The following PCDH9 variants were observed in gnomAD, a reference collection of about 807,000 sequenced individuals.
PCDH9 encodes protocadherin-9.
Under a neutral mutation model 70.6 loss-of-function variants are expected in PCDH9, and 24 were observed. The observed-to-expected ratio is 0.34, with a 90% CI of 0.25 to 0.48. PCDH9 has a LOEUF of 0.48. Among genes scored for constraint, PCDH9 ranks in the 20% least tolerant of loss-of-function variants. PCDH9 has a pLI of 0.99. For synonymous variants in PCDH9, 562 were observed against 558.5 expected (o/e 1.01, Z -0.09); for missense variants, 1,281 against 1,503.6 (o/e 0.85, Z 2.45).
chr13:66,437,903 G>T (rs1457164103), intron 4 of PCDH9, among the ~76,000 whole-genome samples: 3 of 152,140 alleles, frequency 2.0e-5, no homozygotes, highest in Admixed American at 1.3e-4. Flanking sequence ...GTTGTTTCGT[G>T]ATCTGGGTGC....
At chr13:66,934,070 C>T (rs987422046) in intron 2 of PCDH9, among the ~76,000 whole-genome samples, 1 of 152,218 alleles carries the variant, frequency 6.6e-6, no homozygotes, top group Non-Finnish European at 1.5e-5. Context: ...CTACAGCCTG[C>T]CTGCCTACTG....
At chr13:66,367,098 T>A (rs1956565846) in intron 4 of PCDH9, among the ~76,000 whole-genome samples, 1 of 152,164 alleles carries the variant, frequency 6.6e-6, no homozygotes, top group Admixed American at 6.6e-5. Flanking sequence ...TTAATTTATT[T>A]GTACATTTAC....
chr13:67,192,611 T>C (rs1407884532), intron 2 of PCDH9, among the ~76,000 whole-genome samples: 7 of 152,134 alleles, frequency 4.6e-5, no homozygotes, highest in African/African-American at 1.7e-4. Context: ...ATTAGAAATG[T>C]ATTAGAAAGG....
intron 3 of PCDH9, among the ~76,000 whole-genome samples, chr13:66,753,966 A>G (rs2079500588): frequency 6.6e-6 from 1 of 152,228 alleles, no homozygotes; most frequent in Non-Finnish European, 1.5e-5. Flanking sequence ...TTGATTATTA[A>G]TGAAATTAAC....
intron 3 of PCDH9, among the ~76,000 whole-genome samples, chr13:66,803,575 ACTCCC>A (rs2080361075): frequency 6.6e-6 from 1 of 150,942 alleles, no homozygotes; most frequent in Non-Finnish European, 1.5e-5. Context: ...TCACTGAAGC[ACTCCC>A]CTTCTTTTGG....
intron 4 of PCDH9, among the ~76,000 whole-genome samples, chr13:66,325,105 T>C (rs1955820172): frequency 6.6e-6 from 1 of 152,054 alleles, no homozygotes. Flanking sequence ...TCACTAGAAA[T>C]CTGTTACACT....
chr13:66,669,925 A>G lies in PCDH9; in HGVS notation c.3139-38514T>C, dbSNP rs371128656. On this transcript the variant is annotated intron_variant, in intron 3 of 4. Transcript: ENST00000377865. ...TAAAAATAAATGATCATATTTGTTC[A>G]AAAGTTCTTACTCTTTTGTTTTTTT... Among the ~76,000 whole-genome samples, 18 of 152,320 alleles carry G rather than the reference A, an allele frequency of 1.2e-4. No homozygotes were observed. In the East Asian group the frequency reaches 3.5e-3, roughly 29 times the overall value.
chr13:66,397,903 G>T (rs1459779001), intron 4 of PCDH9, among the ~76,000 whole-genome samples: 2 of 151,766 alleles, frequency 1.3e-5, no homozygotes, highest in East Asian at 1.9e-4. Context: ...AATTATTGTT[G>T]TCTTTGTGAA....
intron 4 of PCDH9, among the ~76,000 whole-genome samples, chr13:66,503,656 A>G (rs1186457895): frequency 1.3e-5 from 2 of 152,222 alleles, no homozygotes; most frequent in Non-Finnish European, 2.9e-5. Flanking sequence ...AATGATAAGA[A>G]TATGTATCCC....
chr13:66,337,498 A>G (rs777187042), intron 4 of PCDH9, among the ~76,000 whole-genome samples: 3 of 152,058 alleles, frequency 2.0e-5, no homozygotes, highest in Non-Finnish European at 4.4e-5. Flanking sequence ...AAACTGGTTA[A>G]TCCCAAGACT....
intron 4 of PCDH9, among the ~76,000 whole-genome samples, chr13:66,545,320 A>G (rs1257388928): frequency 1.3e-5 from 2 of 152,160 alleles, no homozygotes; most frequent in Non-Finnish European, 1.5e-5. Flanking sequence ...TGATAAACCT[A>G]TCTCTAGGTT....
intron 2 of PCDH9, among the ~76,000 whole-genome samples, chr13:67,145,106 T>C (rs1351903274): frequency 6.6e-6 from 1 of 152,094 alleles, no homozygotes; most frequent in Admixed American, 6.5e-5. Flanking sequence ...TTTCTTTTTC[T>C]TCCTAACTGG....
chr13:66,850,327 T>C (rs59658074), intron 3 of PCDH9, among the ~76,000 whole-genome samples: 5,002 of 152,190 alleles, frequency 0.033, 269 homozygotes, highest in African/African-American at 0.11. Flanking sequence ...AAGACCAGCC[T>C]GGCCAATATG....
chr13:67,138,586 C>G (rs895525475), intron 2 of PCDH9, among the ~76,000 whole-genome samples: 1 of 152,194 alleles, frequency 6.6e-6, no homozygotes, highest in Non-Finnish European at 1.5e-5. Flanking sequence ...ATAGGGCGTA[C>G]CCCGAGTCAC....
intron 3 of PCDH9, among the ~76,000 whole-genome samples, chr13:66,692,857 G>T (rs1278268011): frequency 6.6e-6 from 1 of 151,996 alleles, no homozygotes; most frequent in Non-Finnish European, 1.5e-5. Flanking sequence ...TTAATAACAT[G>T]ACACTGTACA....
chr13:66,959,623 C>T (rs1485417026), intron 2 of PCDH9, among the ~76,000 whole-genome samples: 1 of 151,580 alleles, frequency 6.6e-6, no homozygotes, highest in Non-Finnish European at 1.5e-5. Context: ...TGGTGGCACA[C>T]ACTTGTAGTT....
intron 4 of PCDH9, among the ~76,000 whole-genome samples, chr13:66,583,205 T>A (rs2076917395): frequency 6.6e-6 from 1 of 152,072 alleles, no homozygotes; most frequent in Admixed American, 6.6e-5. Context: ...AATGCATATA[T>A]ACATTTAATA....
At chr13:67,087,076 TTG>T (rs1409275786) in intron 2 of PCDH9, among the ~76,000 whole-genome samples, 2 of 140,010 alleles carry the variant, frequency 1.4e-5, no homozygotes, top group Non-Finnish European at 3.1e-5. Flanking sequence ...GAAGAGAGTT[TTG>T]ATGTTTTGTA....
chr13:66,766,809 T>C (rs956018193), intron 3 of PCDH9, among the ~76,000 whole-genome samples: 3 of 152,036 alleles, frequency 2.0e-5, no homozygotes, highest in African/African-American at 7.3e-5. Flanking sequence ...AACAGCAAGC[T>C]CAAGTACAAA....
Sources: gnomAD v4.1 joint callset for allele counts (sites outside exome capture counted in the v4.1 genomes callset) on GRCh38, gnomAD v4.1.1 for gene constraint, MANE v1.5 for transcripts, NCBI Gene and HGNC (gene_info 2026-07-23, HGNC 2026-07-21) for gene names.